Variants in NRXN3 observed in about 807,000 individuals in gnomAD.
NRXN3 encodes the protein neurexin 3, also known as neurexin III.
Under a neutral mutation model 137.6 loss-of-function variants are expected in NRXN3, and 32 were observed. The ratio of observed to expected loss-of-function variants is 0.23; its 90% CI spans 0.18 to 0.31. NRXN3 has a LOEUF of 0.31. NRXN3 is among the 10% of genes least tolerant of loss of function. The pLI, the probability that NRXN3 is intolerant of heterozygous loss-of-function variation, is 1.00. For synonymous variants in NRXN3, 798 were observed against 784.5 expected, an observed-to-expected ratio of 1.02 and a Z score of -0.29; for missense variants, 1,574 against 2,062.5, an observed-to-expected ratio of 0.76 and a Z score of 4.59.
intron 16 of NRXN3, among the ~76,000 whole-genome samples, chr14:79,478,314 A>G (rs527633345): frequency 1.3e-5 from 2 of 152,072 alleles, no homozygotes; most frequent in Admixed American, 1.3e-4. Context: ...GAAGTTTTAC[A>G]GAAATCAAAA....
At chr14:79,546,726 A>G (rs979702087) in intron 16 of NRXN3, among the ~76,000 whole-genome samples, 1 of 152,120 alleles carries the variant, frequency 6.6e-6, no homozygotes, top group South Asian at 2.1e-4. Context: ...CACTAGATTT[A>G]CTTCCTGATA....
intron 4 of NRXN3, among the ~76,000 whole-genome samples, chr14:78,477,321 T>C (rs1209355720): frequency 6.6e-6 from 1 of 152,242 alleles, no homozygotes; most frequent in Non-Finnish European, 1.5e-5. Context: ...CTCTTTACAC[T>C]GGTTACAGAT....
intron 15 of NRXN3, among the ~76,000 whole-genome samples, chr14:79,427,280 C>A (rs768764066): frequency 8.5e-5 from 13 of 152,158 alleles, no homozygotes; most frequent in Non-Finnish European, 1.3e-4. Context: ...CTTTAGGTAG[C>A]CGTCTGAATG....
At position 79,484,731 on chromosome 14, in the gene NRXN3, G is replaced by A. The variant is rs570420376; in HGVS notation, c.3444+17329G>A. Among the ~76,000 whole-genome samples, 35 of 152,264 alleles carry A rather than the reference G, an allele frequency of 2.3e-4. No homozygotes were observed. The East Asian group carries it at 4.4e-3, about 19-fold the overall frequency. On this transcript the variant is annotated intron_variant, in intron 16 of 20. Coordinates refer to ENST00000335750, the MANE Select transcript of NRXN3 (RefSeq NM_001330195.2). ...TTATATGTAAACAGCACTCTGGAAC[G>A]TTTTCAAAGTCACAGCTATTTTAGG...
chr14:79,170,896 A>T (rs1596761247), intron 15 of NRXN3, among the ~76,000 whole-genome samples: 1 of 152,256 alleles, frequency 6.6e-6, no homozygotes, highest in East Asian at 1.9e-4. Flanking sequence ...TCCCTGGATC[A>T]GTTATCTGAT....
At chr14:78,932,339 G>A (rs1354377893) in intron 10 of NRXN3, among the ~76,000 whole-genome samples, 1 of 152,088 alleles carries the variant, frequency 6.6e-6, no homozygotes, top group Non-Finnish European at 1.5e-5. Flanking sequence ...TCAGGTGCCA[G>A]CAAGCAAAAC....
intron 16 of NRXN3, among the ~76,000 whole-genome samples, chr14:79,614,129 G>T (rs941110422): frequency 1.3e-5 from 2 of 152,192 alleles, no homozygotes; most frequent in South Asian, 4.1e-4. Flanking sequence ...TAAAATCTGA[G>T]AGAAAACAGA....
intron 15 of NRXN3, among the ~76,000 whole-genome samples, chr14:79,366,979 T>C (rs1461888262): frequency 7.5e-6 from 1 of 132,898 alleles, no homozygotes; most frequent in Non-Finnish European, 1.6e-5. Flanking sequence ...AGTCCCTTAG[T>C]CTTTTTTTTT....
At chr14:79,029,435 A>G (rs1187585327) in intron 15 of NRXN3, among the ~76,000 whole-genome samples, 1 of 152,262 alleles carries the variant, frequency 6.6e-6, no homozygotes, top group East Asian at 1.9e-4. Flanking sequence ...AAAAGTCAAG[A>G]GGGTGGAAGG....
At chr14:78,751,857 A>G (rs761029366) in intron 8 of NRXN3, among the ~76,000 whole-genome samples, 3 of 152,096 alleles carry the variant, frequency 2.0e-5, no homozygotes, top group Admixed American at 6.5e-5. Flanking sequence ...GACCTATTCA[A>G]TTGCATTTTG....
intron 2 of NRXN3, among the ~76,000 whole-genome samples, chr14:78,264,037 T>C (rs572003484): frequency 1.3e-5 from 2 of 152,024 alleles, no homozygotes; most frequent in Non-Finnish European, 2.9e-5. Flanking sequence ...CAGGAATGTG[T>C]CCAAAACATA....
At chr14:78,952,970 G>A (rs2099389900) in intron 10 of NRXN3, among the ~76,000 whole-genome samples, 1 of 152,152 alleles carries the variant, frequency 6.6e-6, no homozygotes, top group Non-Finnish European at 1.5e-5. Flanking sequence ...AACCCATCTG[G>A]TTTAGTTGGT....
intron 15 of NRXN3, among the ~76,000 whole-genome samples, chr14:79,072,898 T>TG (rs1389578753): frequency 6.6e-6 from 1 of 151,532 alleles, no homozygotes; most frequent in Non-Finnish European, 1.5e-5. Context: ...TTTTTTTTTT[T>TG]TTGAGACGGA....
intron 1 of NRXN3, among the ~76,000 whole-genome samples, chr14:78,183,959 A>G (rs1019419475): frequency 1.1e-4 from 16 of 152,230 alleles, no homozygotes; most frequent in African/African-American, 3.9e-4. Flanking sequence ...TTTGGATGAC[A>G]GTCACTTTTT....
At chr14:78,903,890 G>A (rs534251846) in intron 10 of NRXN3, among the ~76,000 whole-genome samples, 2 of 152,048 alleles carry the variant, frequency 1.3e-5, no homozygotes, top group Admixed American at 6.6e-5. Flanking sequence ...CTCTGCACAC[G>A]TAAATGTGTA....
intron 15 of NRXN3, among the ~76,000 whole-genome samples, chr14:79,112,269 CCTTTTCTTTT>C (rs1268765053): frequency 6.6e-6 from 1 of 152,188 alleles, no homozygotes; most frequent in Non-Finnish European, 1.5e-5. Context: ...CCAGCCCCCT[CCTTTTCTTTT>C]CTTTTATCTT....
At chr14:78,333,701 T>C (rs2081108249) in intron 4 of NRXN3, among the ~76,000 whole-genome samples, 1 of 152,108 alleles carries the variant, frequency 6.6e-6, no homozygotes, top group Non-Finnish European at 1.5e-5. Flanking sequence ...GATTAGGAAT[T>C]AGAGTGGGAA....
At chr14:79,734,359 C>T (rs559097018) in intron 19 of NRXN3, among the ~76,000 whole-genome samples, 2 of 152,280 alleles carry the variant, frequency 1.3e-5, no homozygotes, top group East Asian at 3.9e-4. Context: ...ACTGTCATGA[C>T]ATTTACAATC....
In NRXN3 at chr14:79,471,443, G is replaced by A. The variant is rs563009661; in HGVS notation, c.3444+4041G>A. Among the ~76,000 whole-genome samples, 8 of 152,254 alleles carry A rather than the reference G, an allele frequency of 5.3e-5. No individual in the cohort carries two copies. The South Asian group carries it at 1.5e-3, about 28-fold the overall frequency. ...TAAGCTCCACAGTATTCCTCCACAC[G>A]TGCTCCAATTTTCCCATTTCTTTTC... On this transcript the variant is annotated intron_variant, in intron 16 of 20. Transcript: ENST00000335750.
Sources: gnomAD v4.1 joint callset for allele counts (sites outside exome capture counted in the v4.1 genomes callset) on GRCh38, gnomAD v4.1.1 for gene constraint, MANE v1.5 for transcripts, NCBI Gene and HGNC (gene_info 2026-07-23, HGNC 2026-07-21) for gene names.